DSP: variants seen among roughly 807,000 people sequenced by gnomAD.
DSP encodes the protein 250/210 kDa paraneoplastic pemphigus antigen.
Under a neutral mutation model 290.6 loss-of-function variants are expected in DSP, and 114 were observed. The observed-to-expected ratio is 0.39, with a 90% CI of 0.34 to 0.46. The LOEUF (loss-of-function observed/expected upper bound fraction) is 0.46, where lower values mean the gene tolerates loss of function less well. Among genes scored for constraint, DSP ranks in the 20% least tolerant of loss-of-function variants. The pLI, the probability that DSP is intolerant of heterozygous loss-of-function variation, is 0.99. For synonymous variants in DSP, 1,311 were observed against 1,316.4 expected (o/e 1.00, Z 0.09); for missense variants, 3,230 against 3,495.8 (o/e 0.92, Z 1.92).
Position 7,571,225 on chromosome 6 carries a change from C to T in DSP, c.1702-158C>T, listed in dbSNP as rs577453639. On this transcript the variant is annotated intron_variant, in intron 13 of 23. Coordinates refer to ENST00000379802, the MANE Select transcript of DSP (RefSeq NM_004415.4). Reference sequence around the variant, plus strand: ...AACCCATTCCTGTGGCTCTTGGGAACAATGTCTAAAACCTAAAAGACCTTT... The same window carrying T: ...AACCCATTCCTGTGGCTCTTGGGAATAATGTCTAAAACCTAAAAGACCTTT... Among the ~76,000 whole-genome samples the T allele has an allele frequency of 2.0e-5, 3 of 148,648 alleles. No individual in the cohort carries two copies. In the East Asian group the frequency reaches 5.9e-4, roughly 29 times the overall value.
chr6:7,565,992 GAA>G lies in DSP; in HGVS notation c.940-381_940-380del, dbSNP rs1758851615. On this transcript the variant is annotated intron_variant, in intron 7 of 23. Transcript: ENST00000379802. The surrounding 1 kb of genome is among the most constrained non-coding windows in gnomAD (Gnocchi z 4.2). The stretch of plus-strand genomic sequence containing the variant: ...CTGAACTTAAAATAAAAGTTAAAAA[GAA>G]AAAGAGGGGCAATACCTTGTTTAAT... Among the ~76,000 whole-genome samples, 1 of 152,132 alleles carries G rather than the reference GAA, an allele frequency of 6.6e-6. No individual in the cohort carries two copies. The highest frequency in any genetic ancestry group is 6.5e-5 in the Admixed American group (1 of 15,272).
At chr6:7,555,584 A>G (rs1758483615) in intron 1 of DSP, 134 bp from the exon 2 acceptor site, 2 of 731,710 alleles carry the variant, frequency 2.7e-6, no homozygotes, top group East Asian at 2.7e-5. Flanking sequence ...ACAAAATGTT[A>G]ACAATTGGGA....
intron 18 of DSP, among the ~76,000 whole-genome samples, chr6:7,576,066 T>C (rs1219468298): frequency 1.3e-5 from 2 of 152,240 alleles, no homozygotes; most frequent in East Asian, 3.8e-4. Flanking sequence ...AATATTCCAT[T>C]GTTTGGCAGT....
At chr6:7,542,208 A>G in intron 1 of DSP, 123 bp downstream of exon 1, 1 of 1,354,570 alleles carries the variant, frequency 7.4e-7, no homozygotes, top group East Asian at 2.5e-5. Context: ...CCAGGTCCCG[A>G]AAGAACTTCC....
At chr6:7,564,340 ATTTCCATTC>A (rs1407284394) in intron 6 of DSP, among the ~76,000 whole-genome samples, 1 of 152,172 alleles carries the variant, frequency 6.6e-6, no homozygotes, top group Non-Finnish European at 1.5e-5. Flanking sequence ...AAGAGGAGAG[ATTTCCATTC>A]TTTTGCCTAT....
rs1334160142 is a variant in DSP at position 7,565,285 on chromosome 6, A to G, written c.778-74A>G. The G allele has an allele frequency of 4.4e-6, 7 of 1,579,272 alleles. No homozygotes were observed. Among genetic ancestry groups the G allele is most frequent in the African/African-American group, 1.3e-5 (1 of 74,120 alleles). Reference sequence around the variant, plus strand: ...TTTTTTTTAAAGGGACCACAGGTTTAATCTTTAAACCTGCAGAGAACACCA... The same window carrying G: ...TTTTTTTTAAAGGGACCACAGGTTTGATCTTTAAACCTGCAGAGAACACCA... On this transcript the variant is annotated intron_variant, in intron 6 of 23. Transcript: ENST00000379802. This position sits in a 1 kb window ranked among gnomAD's most constrained non-coding sequence, Gnocchi z 4.2.
chr6:7,562,209 G>A (rs1355387117), intron 4 of DSP, among the ~76,000 whole-genome samples: 1 of 152,046 alleles, frequency 6.6e-6, no homozygotes, highest in Non-Finnish European at 1.5e-5. Flanking sequence ...GATGCTTTTA[G>A]GTTGACTATT....
At position 7,579,633 on chromosome 6, in the gene DSP, G is replaced by A; in HGVS notation, c.3443G>A (p.Cys1148Tyr). 2.5e-6 allele frequency: 4 copies of A among 1,614,042 alleles called. No individual in the cohort carries two copies. The highest frequency in any genetic ancestry group is 2.5e-6 in the Non-Finnish European group (3 of 1,180,026). ...GACCAACTGCAGAAAGCAAGGCAAT[G>A]TGAAAAGGAGAACCTTGGTTGGCAG... is the stretch of plus-strand genomic sequence containing the variant. ...DYDQLQKARQ[C>Y]EKENLGWQKL... Residue 1148 changes from cysteine to tyrosine, a missense_variant, in exon 23 of 24, where the codon TGT (cysteine) becomes TAT (tyrosine). Coordinates refer to ENST00000379802, the MANE Select transcript of DSP (RefSeq NM_004415.4). The surrounding 1 kb of genome is among the most constrained non-coding windows in gnomAD (Gnocchi z 4.1).
rs763029451 is a variant in DSP, at chr6:7,577,763, CTT to C, written c.2878-15_2878-14del. 2 of 1,605,624 alleles carry C rather than the reference CTT, an allele frequency of 1.2e-6. No individual in the cohort carries two copies. Among genetic ancestry groups the C allele is most frequent in the Non-Finnish European group, 1.7e-6 (2 of 1,172,468 alleles). On this transcript the variant is annotated splice_polypyrimidine_tract_variant and intron_variant, in intron 20 of 23. Coordinates refer to ENST00000379802, the MANE Select transcript of DSP (RefSeq NM_004415.4). ...GTCTATGAAGGACACTTTTCTTAAA[CTT>C]CATTATGCTGCAGGATTATGAGCTC...
chr6:7,583,114 G>C lies in DSP; in HGVS notation c.5852G>C (p.Arg1951Pro). The C allele has an allele frequency of 1.2e-6, 2 of 1,614,074 alleles. No individual in the cohort carries two copies. The highest frequency in any genetic ancestry group is 1.7e-6 in the Non-Finnish European group (2 of 1,180,020). Residue 1951 changes from arginine (R) to proline (P), a missense_variant, in exon 24 of 24, where the codon CGA becomes CCA. Arg to Pro is a moderately radical substitution (Grantham distance 103). Around this residue, in one of 5 missense-constraint regions of DSP, gnomAD observed 1,714 missense variants for 1,844.5 expected, o/e 0.93. Coordinates refer to ENST00000379802, the MANE Select transcript of DSP (RefSeq NM_004415.4). The surrounding 1 kb of genome is among the most constrained non-coding windows in gnomAD (Gnocchi z 4.0). The part of the protein sequence containing the change: ...KLRQRPYGSH[R>P]ETQTECEWTV... ...AGACAGCGCCCATATGGGTCCCATC[G>C]AGAGACCCAGACTGAGTGTGAGTGG...
At chr6:7,552,091 A>G (rs1001450607) in intron 1 of DSP, among the ~76,000 whole-genome samples, 1 of 152,222 alleles carries the variant, frequency 6.6e-6, no homozygotes, top group African/African-American at 2.4e-5. Context: ...ACACTTCCCA[A>G]TAGACAAATA....
rs1004135357 is a variant in DSP, at chr6:7,541,839, G to A, written c.-77G>A. On this transcript the variant is annotated 5_prime_UTR_variant, in exon 1 of 24. Transcript: ENST00000379802. ...TTCCCCGGCCGTCCGCCTATCCTTG[G>A]CCCCCTCCGCTTTCTCCGCGCCGGC... 4.0e-6 allele frequency: 6 copies of A among 1,508,516 alleles called. No individual in the cohort carries two copies. The highest frequency in any genetic ancestry group is 2.3e-4 in the Middle Eastern group (1 of 4,292). The allele number at this position is 1,508,516 out of a possible 1,614,324, so 93.4% of individuals were successfully genotyped here. A position where few individuals can be genotyped will look rare whatever the true frequency, so the allele number is the denominator to read the frequency against.
intron 2 of DSP, among the ~76,000 whole-genome samples, chr6:7,556,753 C>G (rs1758517437): frequency 6.6e-6 from 1 of 152,202 alleles, no homozygotes; most frequent in Non-Finnish European, 1.5e-5. Flanking sequence ...TCACGTTAGT[C>G]CATGTTCAGA....
In DSP at chr6:7,580,356, G is replaced by T. The variant is rs763523853; in HGVS notation, c.4166G>T (p.Ser1389Ile). The change falls in exon 23 of 24, where the codon AGT (serine) becomes ATT (isoleucine). Residue 1389 changes from serine (S) to isoleucine (I), a missense_variant. Transcript: ENST00000379802. The surrounding 1 kb of genome is among the most constrained non-coding windows in gnomAD (Gnocchi z 4.2). Reference sequence around the variant, plus strand: ...ACCATGCAGAAGGAAGAGGATACCAGTGGCTACCGGGCTCAGATAGACAAT... The same window carrying T: ...ACCATGCAGAAGGAAGAGGATACCATTGGCTACCGGGCTCAGATAGACAAT... ...QLTMQKEEDT[S>I]GYRAQIDNLT... 1.2e-6 allele frequency: 2 copies of T among 1,614,190 alleles called. No homozygotes were observed. Among genetic ancestry groups the T allele is most frequent in the Non-Finnish European group, 1.7e-6 (2 of 1,180,032 alleles).
At position 7,581,548 on chromosome 6, in the gene DSP, A is replaced by T. The variant is rs771810995; in HGVS notation, c.5358A>T (p.Lys1786Asn). ...AAAATTTGAGACAGGAAATTGAGAA[A>T]TTCCAAAAGCAGGCTTTAGAGGTAT... is the stretch of plus-strand genomic sequence containing the variant. Reference protein sequence around the residue: ...ERENLRQEIEKFQKQALEASN... With the variant: ...ERENLRQEIENFQKQALEASN... Residue 1786 changes from lysine (K) to asparagine (N), a missense_variant, in exon 23 of 24, where the codon AAA becomes AAT. This residue lies in a region of DSP where 1,714 missense variants were observed against 1,844.5 expected (regional missense o/e 0.93). Transcript: ENST00000379802. 6.2e-7 allele frequency: 1 copy of T among 1,613,772 alleles called. No individual in the cohort carries two copies. Among genetic ancestry groups the T allele is most frequent in the Non-Finnish European group, 8.5e-7 (1 of 1,180,048 alleles).
intron 4 of DSP, among the ~76,000 whole-genome samples, chr6:7,561,911 G>C (rs1344990146): frequency 6.6e-6 from 1 of 152,244 alleles, no homozygotes; most frequent in Admixed American, 6.5e-5. Flanking sequence ...ACTTGCCCCA[G>C]TGTGGAACTG....
At chr6:7,568,740 G>A (rs1758941046) in intron 11 of DSP, 151 bp downstream of exon 11, 2 of 883,642 alleles carry the variant, frequency 2.3e-6, no homozygotes, top group South Asian at 3.0e-5. Flanking sequence ...AACAAAAGCA[G>A]CAGCTCTGTT....
chr6:7,543,123 C>G (rs1758062668), intron 1 of DSP, among the ~76,000 whole-genome samples: 1 of 152,162 alleles, frequency 6.6e-6, no homozygotes, highest in Admixed American at 6.5e-5. Context: ...ACTCTAGATG[C>G]CCACGTGAGC....
intron 14 of DSP, 93 bp downstream of exon 14, chr6:7,571,677 C>T: frequency 6.5e-7 from 1 of 1,544,610 alleles, no homozygotes; most frequent in Non-Finnish European, 8.9e-7. Flanking sequence ...AACCATTTCT[C>T]TGAATGCTAT....
Sources: gnomAD v4.1 joint callset for allele counts (sites outside exome capture counted in the v4.1 genomes callset) on GRCh38, gnomAD v4.1.1 for gene constraint, gnomAD v4.1.1 regional missense constraint, Gnocchi (gnomAD v3.1) non-coding constraint, MANE v1.5 for transcripts, NCBI Gene and HGNC (gene_info 2026-07-23, HGNC 2026-07-21) for gene names.